The following ROBO1 variants were observed in gnomAD, a reference collection of about 807,000 sequenced individuals.
ROBO1 encodes the protein roundabout guidance receptor 1, also known as roundabout homolog 1.
ROBO1 carries 149 observed loss-of-function variants against 195.9 expected under a neutral mutation model. The observed-to-expected ratio is 0.76, with a 90% CI of 0.67 to 0.87. ROBO1 has a LOEUF of 0.87. Among genes scored for constraint, ROBO1 ranks in the 40% least tolerant of loss-of-function variants. The pLI is 0.00. For missense variants in ROBO1, 1,933 were observed against 2,068.3 expected (o/e 0.93, Z 1.27); for synonymous variants, 816 against 733.2 (o/e 1.11, Z -1.82).
chr3:78,787,646 T>G (rs1277745202), intron 4 of ROBO1, among the ~76,000 whole-genome samples: 1 of 152,124 alleles, frequency 6.6e-6, no homozygotes. Context: ...AAAATTACAG[T>G]GGAAAAGATC....
rs570716011 is a variant in ROBO1 at position 78,631,361 on chromosome 3, T to C, written c.3482-56A>G. On this transcript the variant is annotated intron_variant, in intron 24 of 30. Transcript: ENST00000464233. ...TCTCTGGCCTTTAAACTTTTTCCAT[T>C]AGTCACAAGTTAATTATTTTTTGTA... 9.0e-5 allele frequency: 137 copies of C among 1,527,120 alleles called. 1 individual carries two copies. Among genetic ancestry groups the C allele is most frequent in the East Asian group, 2.8e-4 (12 of 43,510 alleles). 94.6% of individuals were successfully genotyped at this position (1,527,120 alleles called of 1,614,324 possible).
chr3:78,662,002 C>T lies in ROBO1; in HGVS notation c.2079G>A (p.Val693=). The part of the protein sequence containing the change: ...PTVLSSSSIE[V]HWTVDQQSQY... ...TATTGTAACAACTCACTGTCCAGTG[C>T]ACTTCGATGGAAGAGGAAGAAAGGA... The change falls in exon 15 of 31, where the codon GTG becomes GTA. Residue 693 remains valine (V), a synonymous_variant. Transcript: ENST00000464233. 6.2e-7 allele frequency: 1 copy of T among 1,608,018 alleles called. No individual in the cohort carries two copies. Among genetic ancestry groups the T allele is most frequent in the Non-Finnish European group, 8.5e-7 (1 of 1,177,420 alleles).
At chr3:79,352,253 A>C (rs553610077) in intron 2 of ROBO1, among the ~76,000 whole-genome samples, 9 of 152,314 alleles carry the variant, frequency 5.9e-5, no homozygotes, top group Non-Finnish European at 1.0e-4. Flanking sequence ...AATATATTTG[A>C]CTTTTCTGTT....
chr3:79,084,297 G>A (rs2079327781), intron 3 of ROBO1, among the ~76,000 whole-genome samples: 3 of 152,096 alleles, frequency 2.0e-5, no homozygotes, highest in South Asian at 2.1e-4. Flanking sequence ...TCAGGAGTTC[G>A]AGATCAGCCT....
chr3:78,874,649 C>T (rs576149111), intron 4 of ROBO1, among the ~76,000 whole-genome samples: 2 of 151,782 alleles, frequency 1.3e-5, no homozygotes, highest in Admixed American at 1.3e-4. Flanking sequence ...AGCTCAAAAA[C>T]ATTTATTTAA....
At chr3:78,629,076 C>T (rs1181328779) in intron 25 of ROBO1, among the ~76,000 whole-genome samples, 1 of 151,810 alleles carries the variant, frequency 6.6e-6, no homozygotes, top group Non-Finnish European at 1.5e-5. Context: ...ATCTGGCTTA[C>T]ATTTGCTGTC....
At chr3:78,894,612 A>C (rs1242987319) in intron 4 of ROBO1, among the ~76,000 whole-genome samples, 8 of 152,228 alleles carry the variant, frequency 5.3e-5, no homozygotes, top group African/African-American at 1.4e-4. Context: ...TCTTAAAAAT[A>C]CCTGTCAACT....
At chr3:79,138,207 A>C (rs2080453169) in intron 2 of ROBO1, among the ~76,000 whole-genome samples, 1 of 152,008 alleles carries the variant, frequency 6.6e-6, no homozygotes, top group Non-Finnish European at 1.5e-5. Context: ...TGTAAGTTGA[A>C]GGGTGATTAA....
At chr3:79,116,813 G>A (rs1021086326) in intron 3 of ROBO1, among the ~76,000 whole-genome samples, 1 of 151,772 alleles carries the variant, frequency 6.6e-6, no homozygotes, top group Non-Finnish European at 1.5e-5. Context: ...CTACCAGGTC[G>A]GGCCAATTTA....
At chr3:79,009,711 G>A (rs763273353) in intron 3 of ROBO1, among the ~76,000 whole-genome samples, 1 of 152,180 alleles carries the variant, frequency 6.6e-6, no homozygotes, top group Non-Finnish European at 1.5e-5. Flanking sequence ...CATAAAACTT[G>A]TCATTGGAGA....
chr3:79,101,418 G>A (rs945806667), intron 3 of ROBO1, among the ~76,000 whole-genome samples: 2 of 151,770 alleles, frequency 1.3e-5, no homozygotes, highest in African/African-American at 4.8e-5. Flanking sequence ...CCATATAACA[G>A]TAATTTGAGG....
intron 2 of ROBO1, among the ~76,000 whole-genome samples, chr3:79,425,710 TACAC>T (rs140963554): frequency 2.7e-5 from 4 of 146,620 alleles, no homozygotes; most frequent in Non-Finnish European, 3.0e-5. Flanking sequence ...CACACACACA[TACAC>T]ACACACACAC....
intron 3 of ROBO1, among the ~76,000 whole-genome samples, chr3:78,962,377 T>G (rs58249522): frequency 0.17 from 25,536 of 152,124 alleles, 3,500 homozygotes; most frequent in African/African-American, 0.39. Context: ...ACTTTTTTGG[T>G]GGAATTTTTA....
At chr3:79,160,939 C>A (rs899831985) in intron 2 of ROBO1, among the ~76,000 whole-genome samples, 3 of 151,982 alleles carry the variant, frequency 2.0e-5, no homozygotes, top group Admixed American at 1.3e-4. Context: ...TTAATGAAAA[C>A]ATACATTAAA....
intron 2 of ROBO1, among the ~76,000 whole-genome samples, chr3:79,433,132 AG>A (rs1376218689): frequency 6.6e-5 from 10 of 152,064 alleles, no homozygotes; most frequent in African/African-American, 2.4e-4. Context: ...CTAGGTATTA[AG>A]GCCAGTATCT....
intron 2 of ROBO1, among the ~76,000 whole-genome samples, chr3:79,421,540 G>C (rs908023297): frequency 6.6e-6 from 1 of 152,066 alleles, no homozygotes; most frequent in Non-Finnish European, 1.5e-5. Context: ...TGCCAGATAT[G>C]AGCAAAGCAA....
chr3:79,603,297 C>T (rs992971840), intron 1 of ROBO1, among the ~76,000 whole-genome samples: 13 of 151,972 alleles, frequency 8.6e-5, no homozygotes, highest in South Asian at 2.1e-4. Flanking sequence ...GGTTTCATTA[C>T]CTTGCCAGCC....
chr3:78,673,263 G>A (rs1708169786), intron 10 of ROBO1, among the ~76,000 whole-genome samples: 1 of 151,356 alleles, frequency 6.6e-6, no homozygotes, highest in Non-Finnish European at 1.5e-5. Flanking sequence ...CTAGTATAGT[G>A]CCTGGCCCTA....
intron 2 of ROBO1, among the ~76,000 whole-genome samples, chr3:79,241,016 GTTC>G (rs1476097731): frequency 6.6e-6 from 1 of 152,034 alleles, no homozygotes; most frequent in Non-Finnish European, 1.5e-5. Context: ...GCAAAATAAT[GTTC>G]TTCTGACAAA....
Sources: allele counts gnomAD v4.1 joint callset (sites outside exome capture counted in the v4.1 genomes callset), GRCh38; gene constraint gnomAD v4.1.1; transcripts MANE v1.5; gene names NCBI Gene and HGNC (gene_info 2026-07-23, HGNC 2026-07-21).